Variants in FNBP1 observed in about 807,000 individuals in gnomAD.
FNBP1 encodes the protein formin binding protein 1, also known as formin-binding protein 1.
FNBP1 carries 26 observed loss-of-function variants against 90.6 expected under a neutral mutation model. The ratio of observed to expected loss-of-function variants is 0.29; its 90% CI spans 0.21 to 0.40. The LOEUF is 0.40. Among genes scored for constraint, FNBP1 ranks in the 10% least tolerant of loss-of-function variants. The pLI, the probability that FNBP1 is intolerant of heterozygous loss-of-function variation, is 1.00. For missense variants in FNBP1, 635 were observed against 768.0 expected (o/e 0.83, Z 2.05); for synonymous variants, 260 against 265.2 (o/e 0.98, Z 0.19).
the FNBP1 span, among the ~76,000 whole-genome samples, chr9:130,052,214 A>C: frequency 6.6e-6 from 1 of 152,148 alleles, no homozygotes. Flanking sequence ...AAATATGTGA[A>C]AGAAGAAGAT....
At chr9:129,893,267 C>T (rs34653729) in intron 16 of FNBP1, among the ~76,000 whole-genome samples, 64,915 of 151,516 alleles carry the variant, frequency 0.43, 14,213 homozygotes, top group Non-Finnish European at 0.47. Flanking sequence ...GGCCTGGGGT[C>T]GGGATGGGTG....
At chr9:130,004,520 T>G (rs1263793261) in intron 1 of FNBP1, among the ~76,000 whole-genome samples, 1 of 152,088 alleles carries the variant, frequency 6.6e-6, no homozygotes, top group Non-Finnish European at 1.5e-5. Context: ...TATACTCCAG[T>G]TTTTGATAAA....
chr9:130,036,905 C>T (rs1480129790), intron 1 of FNBP1, among the ~76,000 whole-genome samples: 14 of 151,608 alleles, frequency 9.2e-5, no homozygotes, highest in Non-Finnish European at 1.0e-4. Context: ...ATTAGCCGGG[C>T]GCGGTGGCAG....
intron 1 of FNBP1, among the ~76,000 whole-genome samples, chr9:130,007,239 C>CAAAAAAAAAAAAAAAAAAAA (rs72063140): frequency 3.9e-5 from 3 of 77,004 alleles, no homozygotes; most frequent in East Asian, 4.1e-4. Flanking sequence ...GAGATCCTGT[C>CAAAAAAAAAAAAAAAAAAAA]AAAAAAAAAA....
chr9:130,034,428 A>G (rs2059129157), intron 1 of FNBP1, among the ~76,000 whole-genome samples: 1 of 152,072 alleles, frequency 6.6e-6, no homozygotes, highest in Admixed American at 6.6e-5. Flanking sequence ...GGCTGCAGCG[A>G]GCCATGTTTG....
chr9:129,923,964 G>GGGTGA lies in FNBP1; in HGVS notation c.1045_1049dup (p.Ser351HisfsTer27). 6.4e-7 allele frequency: 1 copy of GGGTGA among 1,566,770 alleles called. No homozygotes were observed. Among genetic ancestry groups the GGGTGA allele is most frequent in the East Asian group, 2.4e-5 (1 of 41,906 alleles). Reference sequence around the variant, plus strand: ...ACTGGGGGCCGTTGGGAACAGCAGAGGGTGAGGCAGAGGCAGGAGGGGGAG... The same window carrying GGGTGA: ...ACTGGGGGCCGTTGGGAACAGCAGAGGGTGAGGTGAGGCAGAGGCAGGAGGGGGAG... On this transcript the variant is annotated frameshift_variant, in exon 10 of 17. Transcript: ENST00000446176. LOFTEE classifies it high-confidence loss of function.
intron 6 of FNBP1, among the ~76,000 whole-genome samples, chr9:129,933,240 C>T (rs2043012323): frequency 6.6e-6 from 1 of 152,140 alleles, no homozygotes; most frequent in Non-Finnish European, 1.5e-5. Flanking sequence ...CACACATACA[C>T]ACACACACAA....
rs866446869 is a variant in FNBP1 at position 129,890,701 on chromosome 9, G to C, written c.1847-155C>G. The stretch of plus-strand genomic sequence containing the variant: ...TGGGAGGGGGCGTCTTAGAGCAATC[G>C]GTTACCACAGGGCGGGTCTGAGATG... On this transcript the variant is annotated intron_variant, in intron 16 of 16. Transcript: ENST00000446176. This position sits in a 1 kb window ranked among gnomAD's most constrained non-coding sequence, Gnocchi z 5.8. Among the ~76,000 whole-genome samples the C allele has an allele frequency of 1.3e-5, 2 of 152,194 alleles. No homozygotes were observed. Among genetic ancestry groups the C allele is most frequent in the Non-Finnish European group, 2.9e-5 (2 of 68,044 alleles).
chr9:129,892,070 A>G (rs976860409), intron 16 of FNBP1, among the ~76,000 whole-genome samples: 1 of 152,188 alleles, frequency 6.6e-6, no homozygotes, highest in African/African-American at 2.4e-5. Context: ...CTAGCTCCCC[A>G]TGCGAGAGGC....
At chr9:129,907,532 C>A (rs1000780304) in intron 12 of FNBP1, among the ~76,000 whole-genome samples, 1 of 151,574 alleles carries the variant, frequency 6.6e-6, no homozygotes, top group Non-Finnish European at 1.5e-5. Flanking sequence ...AGGTGGAATG[C>A]AGTGGTATAC....
chr9:130,025,744 T>C (rs2058281257), intron 1 of FNBP1, among the ~76,000 whole-genome samples: 1 of 151,916 alleles, frequency 6.6e-6, no homozygotes, highest in Non-Finnish European at 1.5e-5. Flanking sequence ...GCCAACACGG[T>C]GAAACCCTGT....
chr9:129,924,978 C>G lies in FNBP1; in HGVS notation c.969G>C (p.Pro323=), dbSNP rs143297659. 4.3e-6 allele frequency: 7 copies of G among 1,610,770 alleles called. No individual in the cohort carries two copies. The highest frequency in any genetic ancestry group is 5.9e-6 in the Non-Finnish European group (7 of 1,178,820). ...FGGKSKGKLW[P]FIKKNKLMSL... is the part of the protein sequence containing the mutation. ...TCAGTACCTTATTTTTTTTGATGAA[C>G]GGCCATAACTTTCCTTTGGATTTGC... is the stretch of plus-strand genomic sequence containing the variant. Residue 323 remains proline (P), a synonymous_variant, in exon 9 of 17, where the codon CCG becomes CCC. Transcript: ENST00000446176.
rs905698748 is a variant in FNBP1 at position 129,889,301 on chromosome 9, A to G, written c.*1238T>C. The G allele has an allele frequency of 2.7e-5, 5 of 184,956 alleles. No individual in the cohort carries two copies. Among genetic ancestry groups the G allele is most frequent in the South Asian group, 2.0e-4 (1 of 5,098 alleles). The allele number at this position is 184,956 out of a possible 1,614,324, so 11.5% of individuals were successfully genotyped here. ...AGTGCTAACCTCGGCGGGGTGCGGT[A>G]GCTCACACCTGTAATCTCAGCACTT... On this transcript the variant is annotated 3_prime_UTR_variant, in exon 17 of 17. Transcript: ENST00000446176.
chr9:130,008,527 T>A (rs1213658536), intron 1 of FNBP1, among the ~76,000 whole-genome samples: 1 of 152,180 alleles, frequency 6.6e-6, no homozygotes, highest in East Asian at 1.9e-4. Flanking sequence ...TCAACACTGA[T>A]GAAAGATCGA....
rs764532868 is a variant in FNBP1 at position 129,900,529 on chromosome 9, C to T, written c.1447G>A (p.Glu483Lys). Residue 483 changes from glutamate (E) to lysine (K), a missense_variant, in exon 14 of 17, where the codon GAA becomes AAA. Coordinates refer to ENST00000446176, the MANE Select transcript of FNBP1 (RefSeq NM_015033.3). This position sits in a 1 kb window ranked among gnomAD's most constrained non-coding sequence, Gnocchi z 4.1. Reference protein sequence around the residue: ...QKFEAWLAEVEGRLPARSEQA... With the variant: ...QKFEAWLAEVKGRLPARSEQA... ...TCGCTGCGTGCTGGGAGCCGGCCTT[C>T]AACCTCAGCCAGCCAGGCCTGGAGA... The T allele has an allele frequency of 1.3e-6, 2 of 1,574,244 alleles. No homozygotes were observed. The highest frequency in any genetic ancestry group is 8.6e-7 in the Non-Finnish European group (1 of 1,163,952).
chr9:130,027,994 C>T (rs4837449), intron 1 of FNBP1, among the ~76,000 whole-genome samples: 10,627 of 152,118 alleles, frequency 0.07, 490 homozygotes, highest in East Asian at 0.15. Flanking sequence ...TTCAAACAAT[C>T]ATCCCCCTCA....
chr9:129,921,586 T>C (rs113553826), intron 10 of FNBP1, among the ~76,000 whole-genome samples: 1,934 of 152,232 alleles, frequency 0.013, 16 homozygotes, highest in Middle Eastern at 0.024. Context: ...CTAATTTTTG[T>C]ATTTTTAGTA....
In FNBP1 at chr9:129,954,684, T is replaced by A. The variant is rs144769718; in HGVS notation, c.513+2676A>T. Among the ~76,000 whole-genome samples, 791 of 152,284 alleles carry A rather than the reference T, an allele frequency of 5.2e-3. 6 individuals are homozygous for A. The highest frequency in any genetic ancestry group is 0.018 in the African/African-American group (739 of 41,558). On this transcript the variant is annotated intron_variant, in intron 6 of 16. Transcript: ENST00000446176. ...GCAACACAGGAAAAGGAAAATTGTT[T>A]AACCAATAAAGGGTATATTAAAATC...
rs895173241 is a variant in FNBP1 at position 130,021,393 on chromosome 9, C to T, written c.24+21559G>A. Among the ~76,000 whole-genome samples the T allele has an allele frequency of 3.9e-5, 6 of 152,134 alleles. No individual in the cohort carries two copies. The East Asian group carries it at 7.7e-4, about 20-fold the overall frequency. Reference sequence around the variant, plus strand: ...TTACTGTAAAGTATTTTTAAAAGTTCGCCTTGAACACTCACTGCAAATACC... The same window carrying T: ...TTACTGTAAAGTATTTTTAAAAGTTTGCCTTGAACACTCACTGCAAATACC... On this transcript the variant is annotated intron_variant, in intron 1 of 16. Coordinates refer to ENST00000446176, the MANE Select transcript of FNBP1 (RefSeq NM_015033.3).
Sources: allele counts gnomAD v4.1 joint callset (sites outside exome capture counted in the v4.1 genomes callset), GRCh38; gene constraint gnomAD v4.1.1; non-coding constraint Gnocchi (gnomAD v3.1); transcripts MANE v1.5; gene names NCBI Gene and HGNC (gene_info 2026-07-23, HGNC 2026-07-21).